PHLDB1: variants seen among roughly 807,000 people sequenced by gnomAD.
PHLDB1 encodes pleckstrin homology like domain family B member 1.
A neutral mutation model predicts 139.3 loss-of-function variants in PHLDB1; 65 were observed. The ratio of observed to expected loss-of-function variants is 0.47; its 90% CI spans 0.38 to 0.57. PHLDB1 has a LOEUF of 0.57. PHLDB1 is among the 20% of genes least tolerant of loss of function. PHLDB1 has a pLI of 0.00. For synonymous variants in PHLDB1, 679 were observed against 734.5 expected (o/e 0.92, Z 1.22); for missense variants, 1,624 against 1,839.7 (o/e 0.88, Z 2.14).
In PHLDB1 at chr11:118,656,888, A is replaced by G; in HGVS notation, c.*65A>G. 1 of 1,450,808 alleles carries G rather than the reference A, an allele frequency of 6.9e-7. No homozygotes were observed. Among genetic ancestry groups the G allele is most frequent in the Non-Finnish European group, 9.5e-7 (1 of 1,054,188 alleles). The allele number at this position is 1,450,808 out of a possible 1,614,324, so 89.9% of individuals were successfully genotyped here. The stretch of plus-strand genomic sequence containing the variant: ...GTATAAGAAGACTTTAATATTCTGT[A>G]AGGAGCTTGGTCCTGTGAGTTTCTG... On this transcript the variant is annotated 3_prime_UTR_variant, in exon 23 of 23. Coordinates refer to ENST00000600882, the MANE Select transcript of PHLDB1 (RefSeq NM_001144758.3).
At chr11:118,652,923 G>A (rs1948543826) in intron 20 of PHLDB1, 1 of 152,516 alleles carries the variant, frequency 6.6e-6, no homozygotes, top group Non-Finnish European at 1.5e-5. Flanking sequence ...AACAGGGAAG[G>A]AAGCCAGCCA....
chr11:118,615,194 C>CAAAAAAAAAAA (rs71041841), intron 3 of PHLDB1: 8 of 65,548 alleles, frequency 1.2e-4, no homozygotes, highest in Non-Finnish European at 2.3e-4. Flanking sequence ...GACTCTATCT[C>CAAAAAAAAAAA]AAAAAAAAAA....
intron 12 of PHLDB1, chr11:118,641,445 CCTT>C (rs1946501126): frequency 3.9e-6 from 1 of 256,040 alleles, no homozygotes; most frequent in South Asian, 4.2e-5. Context: ...GAGGGGCACG[CCTT>C]CTGCTCTAGG....
Position 118,631,914 on chromosome 11 carries a change from A to C in PHLDB1, c.2102A>C (p.His701Pro). 1 of 1,607,570 alleles carries C rather than the reference A, an allele frequency of 6.2e-7. No individual in the cohort carries two copies. The highest frequency in any genetic ancestry group is 8.5e-7 in the Non-Finnish European group (1 of 1,177,442). Residue 701 changes from histidine to proline, a missense_variant and splice_region_variant, in exon 8 of 23, where the codon CAC becomes CCC. Physicochemically the swap from His to Pro is moderately conservative, Grantham distance 77. Coordinates refer to ENST00000600882, the MANE Select transcript of PHLDB1 (RefSeq NM_001144758.3). ...CSSTESTQQE[H>P]EDAPSTKLQG... ...GTTGATAGCTTCCCTCCCCTCCAGC[A>C]CGAAGATGCACCTAGCACCAAGCTC... is the stretch of plus-strand genomic sequence containing the variant.
intron 18 of PHLDB1, among the ~76,000 whole-genome samples, chr11:118,649,706 G>A (rs1555134025): frequency 1.3e-5 from 2 of 152,170 alleles, no homozygotes; most frequent in African/African-American, 4.8e-5. Flanking sequence ...AAGGTCCCAT[G>A]CGAAGTCAGA....
chr11:118,643,561 T>C, intron 13 of PHLDB1: 18 of 985,326 alleles, frequency 1.8e-5, no homozygotes, highest in Non-Finnish European at 2.2e-5. Context: ...TTACAGGTCT[T>C]TTCTTAGACC....
chr11:118,650,331 G>T lies in PHLDB1; in HGVS notation c.3772-114G>T. 1.0e-6 allele frequency: 1 copy of T among 987,680 alleles called. No individual in the cohort carries two copies. The highest frequency in any genetic ancestry group is 1.6e-6 in the Non-Finnish European group (1 of 612,020). The allele number at this position is 987,680 out of a possible 1,614,324, so 61.2% of individuals were successfully genotyped here. ...TCTCTGTCCCAGGACCTGGTGTGCTGGCCTGAGGAGATGTTGGGGACAATC... is the reference window on the plus strand; with the variant it reads ...TCTCTGTCCCAGGACCTGGTGTGCTTGCCTGAGGAGATGTTGGGGACAATC... On this transcript the variant is annotated intron_variant, in intron 19 of 22. Transcript: ENST00000600882. The surrounding 1 kb of genome is among the most constrained non-coding windows in gnomAD (Gnocchi z 4.7).
At chr11:118,649,981 C>A in intron 18 of PHLDB1, 96 bp from the exon 19 acceptor site, 1 of 878,344 alleles carries the variant, frequency 1.1e-6, no homozygotes, top group South Asian at 1.4e-5. Context: ...GGTGTGATGT[C>A]AGGCTGTTGG....
rs782448370 is a variant in PHLDB1 at position 118,616,187 on chromosome 11, C to T, written c.331C>T (p.Arg111Trp). 9.9e-6 allele frequency: 16 copies of T among 1,613,862 alleles called. No homozygotes were observed. Among genetic ancestry groups the T allele is most frequent in the South Asian group, 5.5e-5 (5 of 91,072 alleles). The change falls in exon 4 of 23, where the codon CGG (arginine) becomes TGG (tryptophan). Residue 111 changes from arginine to tryptophan, a missense_variant. Coordinates refer to ENST00000600882, the MANE Select transcript of PHLDB1 (RefSeq NM_001144758.3). ...CTGCACTATTGATGGGCTCCCTGTC[C>T]GGCAGCCTACCCGGCTCACTCAGGG... ...NACTIDGLPV[R>W]QPTRLTQGCM...
At chr11:118,648,269 T>TTGTGTGTGTGTG (rs71041842) in intron 18 of PHLDB1, among the ~76,000 whole-genome samples, 193 bp downstream of exon 18, 4 of 125,490 alleles carry the variant, frequency 3.2e-5, no homozygotes, top group African/African-American at 9.4e-5. Context: ...ACTATTCAAG[T>TTGTGTGTGTGTG]TGTGTGTGTG....
rs1940179376 is a variant in PHLDB1 at position 118,611,103 on chromosome 11, G to GCGCC, written c.-21-2712_-21-2709dup. On this transcript the variant is annotated intron_variant, in intron 1 of 22. Transcript: ENST00000600882. The surrounding 1 kb of genome is among the most constrained non-coding windows in gnomAD (Gnocchi z 4.7). ...GCAGGTGAGGGACGTCCCTCGCGTA[G>GCGCC]CGCCACTCAGCCGCCGGGGCCAGAG... Among the ~76,000 whole-genome samples, 1 of 152,158 alleles carries GCGCC rather than the reference G, an allele frequency of 6.6e-6. No individual in the cohort carries two copies. Among genetic ancestry groups the GCGCC allele is most frequent in the South Asian group, 2.1e-4 (1 of 4,822 alleles).
intron 9 of PHLDB1, chr11:118,634,955 C>G: frequency 2.2e-6 from 1 of 457,618 alleles, no homozygotes; most frequent in Non-Finnish European, 4.4e-6. Context: ...GACGGAGGCA[C>G]CTGGAGGCCC....
chr11:118,636,964 AT>A (rs1245311067), intron 10 of PHLDB1: 2 of 152,068 alleles, frequency 1.3e-5, no homozygotes, highest in African/African-American at 4.8e-5. Context: ...GGGGTGTCAC[AT>A]TCTTCCCCAT....
chr11:118,644,379 G>A (rs1048981645), intron 15 of PHLDB1: 1 of 583,118 alleles, frequency 1.7e-6, no homozygotes, highest in South Asian at 2.0e-5. Context: ...TAAGGGCTTA[G>A]GGGGCTGTGA....
At chr11:118,629,775 G>A (rs578079615) in intron 6 of PHLDB1, among the ~76,000 whole-genome samples, 2 of 152,282 alleles carry the variant, frequency 1.3e-5, no homozygotes, top group South Asian at 2.1e-4. Flanking sequence ...TCTCATCCTG[G>A]AGAGGGGGCA....
chr11:118,642,001 C>G, intron 12 of PHLDB1: 1 of 605,140 alleles, frequency 1.7e-6, no homozygotes, highest in East Asian at 2.9e-5. Flanking sequence ...TTAGTACATT[C>G]AGGGCAACTG....
rs1039730565 is a variant in PHLDB1 at position 118,608,673 on chromosome 11, A to G, written c.-22+974A>G. On this transcript the variant is annotated intron_variant, in intron 1 of 22. Coordinates refer to ENST00000600882, the MANE Select transcript of PHLDB1 (RefSeq NM_001144758.3). The surrounding 1 kb of genome is among the most constrained non-coding windows in gnomAD (Gnocchi z 6.7). ...CGTCAAACGCAAACGCAGGCGCCCC[A>G]CCACGCCGGGCTCCCACGCGGCACA... 1.1e-4 allele frequency among the ~76,000 whole-genome samples: 17 copies of G among 152,110 alleles called. No individual in the cohort carries two copies. The highest frequency in any genetic ancestry group is 4.1e-4 in the African/African-American group (17 of 41,482).
At chr11:118,642,580 G>A (rs1405687600) in intron 13 of PHLDB1, among the ~76,000 whole-genome samples, 186 bp downstream of exon 13, 1 of 152,338 alleles carries the variant, frequency 6.6e-6, no homozygotes, top group South Asian at 2.1e-4. Flanking sequence ...GTGGGCAACC[G>A]GGGGGCCAGC....
In PHLDB1 at chr11:118,613,916, T is replaced by C. The variant is rs782651787; in HGVS notation, c.60+20T>C. ...GTGCAGGTGAGTGGGATCAGGGCTG[T>C]GAGGCAAGAGAGATATAATAGGGAT... On this transcript the variant is annotated intron_variant, in intron 2 of 22. Coordinates refer to ENST00000600882, the MANE Select transcript of PHLDB1 (RefSeq NM_001144758.3). The C allele has an allele frequency of 1.3e-6, 2 of 1,514,684 alleles. No individual in the cohort carries two copies. The highest frequency in any genetic ancestry group is 2.7e-5 in the African/African-American group (2 of 73,076). 93.8% of individuals were successfully genotyped at this position (1,514,684 alleles called of 1,614,324 possible).
Sources: allele counts gnomAD v4.1 joint callset (sites outside exome capture counted in the v4.1 genomes callset), GRCh38; gene constraint gnomAD v4.1.1; non-coding constraint Gnocchi (gnomAD v3.1); transcripts MANE v1.5; gene names NCBI Gene and HGNC (gene_info 2026-07-23, HGNC 2026-07-21).